Variants in FNDC8 observed in about 807,000 individuals in gnomAD.
FNDC8 encodes fibronectin type III domain-containing protein 8.
A neutral mutation model predicts 24.8 loss-of-function variants in FNDC8; 23 were observed. The observed-to-expected ratio is 0.93, with a 90% CI of 0.67 to 1.31. FNDC8 has a LOEUF of 1.31. Among genes scored for constraint, FNDC8 ranks in the 40% most tolerant of loss-of-function variants. The pLI is 0.00. For synonymous variants in FNDC8, 158 were observed against 165.3 expected (o/e 0.96, Z 0.34); for missense variants, 371 against 398.2 (o/e 0.93, Z 0.58).
intron 3 of FNDC8, 84 bp from the exon 4 acceptor site, chr17:35,130,198 A>T: frequency 6.5e-7 from 1 of 1,529,312 alleles, no homozygotes; most frequent in Non-Finnish European, 8.8e-7. Flanking sequence ...CAGCAGACAG[A>T]AAAAAAAGGG....
rs780571323 is a variant in FNDC8, at chr17:35,130,482, A to G, written c.*48A>G. 2 of 1,581,124 alleles carry G rather than the reference A, an allele frequency of 1.3e-6. No individual in the cohort carries two copies. The highest frequency in any genetic ancestry group is 2.3e-5 in the South Asian group (2 of 87,814). ...CTCACCTACTTTCAGCTTCAACCCC[A>G]GGCCCTCAGAAACCAGAGCCATGAG... On this transcript the variant is annotated 3_prime_UTR_variant, in exon 4 of 4. Coordinates refer to ENST00000158009, the MANE Select transcript of FNDC8 (RefSeq NM_017559.4).
intron 3 of FNDC8, 196 bp from the exon 4 acceptor site, chr17:35,130,086 G>A: frequency 7.0e-7 from 1 of 1,421,952 alleles, no homozygotes; most frequent in Non-Finnish European, 9.1e-7. Context: ...CCCTTTGGTT[G>A]GAAATATCCC....
Position 35,121,833 on chromosome 17 carries a change from C to T in FNDC8, c.140C>T (p.Thr47Ile), listed in dbSNP as rs751635133. The change falls in exon 1 of 4, where the codon ACC becomes ATC. Residue 47 changes from threonine to isoleucine, a missense_variant. Physicochemically the swap from Thr to Ile is moderately conservative, Grantham distance 89 (BLOSUM62 -1). Transcript: ENST00000158009. ...NPKSMNRTVT[T>I]KGLPLASKGN... ...AAGTCTATGAACCGGACCGTCACTA[C>T]CAAAGGACTCCCACTAGCCTCAAAG... 2 of 1,613,630 alleles carry T rather than the reference C, an allele frequency of 1.2e-6. No homozygotes were observed. Among genetic ancestry groups the T allele is most frequent in the African/African-American group, 2.7e-5 (2 of 74,766 alleles).
intron 1 of FNDC8, among the ~76,000 whole-genome samples, chr17:35,124,789 T>G (rs2091842720): frequency 6.6e-6 from 1 of 152,178 alleles, no homozygotes; most frequent in Non-Finnish European, 1.5e-5. Flanking sequence ...GGCTCACGCC[T>G]GTAATCCCAG....
At chr17:35,126,910 G>A (rs1224070299) in intron 1 of FNDC8, 132 bp from the exon 2 acceptor site, 4 of 1,108,974 alleles carry the variant, frequency 3.6e-6, no homozygotes, top group South Asian at 3.2e-5. Flanking sequence ...ATGCTATAGA[G>A]CAATGAGGCT....
At chr17:35,125,864 A>T (rs575071981) in intron 1 of FNDC8, among the ~76,000 whole-genome samples, 1 of 152,304 alleles carries the variant, frequency 6.6e-6, no homozygotes, top group South Asian at 2.1e-4. Context: ...TCATAATTTT[A>T]AAAAATTCAG....
chr17:35,128,434 C>T (rs1288267349), intron 2 of FNDC8, among the ~76,000 whole-genome samples: 1 of 152,228 alleles, frequency 6.6e-6, no homozygotes, highest in Admixed American at 6.5e-5. Context: ...AGACAGGAGG[C>T]AGCAGGCCCA....
At chr17:35,128,314 A>C (rs2091856851) in intron 2 of FNDC8, among the ~76,000 whole-genome samples, 1 of 152,270 alleles carries the variant, frequency 6.6e-6, no homozygotes, top group South Asian at 2.1e-4. Context: ...GGGCCTCCTG[A>C]GTCAGAAACT....
In FNDC8 at chr17:35,130,525, C is replaced by T. The variant is rs926054769; in HGVS notation, c.*91C>T. The T allele has an allele frequency of 1.5e-6, 2 of 1,371,412 alleles. No individual in the cohort carries two copies. Among genetic ancestry groups the T allele is most frequent in the African/African-American group, 2.9e-5 (2 of 69,566 alleles). The allele number at this position is 1,371,412 out of a possible 1,614,324, so 85.0% of individuals were successfully genotyped here. A position where few individuals can be genotyped will look rare whatever the true frequency, so the allele number is the denominator to read the frequency against. On this transcript the variant is annotated 3_prime_UTR_variant, in exon 4 of 4. Coordinates refer to ENST00000158009, the MANE Select transcript of FNDC8 (RefSeq NM_017559.4). The stretch of plus-strand genomic sequence containing the variant: ...GCCATGAGACCTACCATACCACCAG[C>T]ACCCTGCGGGCCCGGGGTCTGGCAG...
Position 35,130,542 on chromosome 17 carries a change from G to A in FNDC8, c.*108G>A. 16 of 1,223,644 alleles carry A rather than the reference G, an allele frequency of 1.3e-5. No individual in the cohort carries two copies. Among genetic ancestry groups the A allele is most frequent in the Non-Finnish European group, 1.8e-5 (16 of 887,342 alleles). The allele number at this position is 1,223,644 out of a possible 1,614,324, so 75.8% of individuals were successfully genotyped here. On this transcript the variant is annotated 3_prime_UTR_variant, in exon 4 of 4. Transcript: ENST00000158009. The stretch of plus-strand genomic sequence containing the variant: ...ACCACCAGCACCCTGCGGGCCCGGG[G>A]TCTGGCAGAGTGGTATGGGCACCCC...
chr17:35,130,661 G>A lies in FNDC8; in HGVS notation c.*227G>A. The A allele has an allele frequency of 1.9e-6, 1 of 537,260 alleles. No individual in the cohort carries two copies. The highest frequency in any genetic ancestry group is 3.4e-5 in the Admixed American group (1 of 29,344). 33.3% of individuals were successfully genotyped at this position (537,260 alleles called of 1,614,324 possible). A position where few individuals can be genotyped will look rare whatever the true frequency, so the allele number is the denominator to read the frequency against. On this transcript the variant is annotated 3_prime_UTR_variant, in exon 4 of 4. Transcript: ENST00000158009. ...CCAGGCTCAGCCACTGCCCACAGCT[G>A]CTAGACTCCCTCCTCCTCCAAATCT...
At chr17:35,123,750 C>A (rs1487724867) in intron 1 of FNDC8, among the ~76,000 whole-genome samples, 12 of 146,940 alleles carry the variant, frequency 8.2e-5, no homozygotes, top group African/African-American at 2.8e-4. Context: ...ATAAAAAAAA[C>A]AAAACAAAAC....
Position 35,129,553 on chromosome 17 carries a change from G to A in FNDC8, c.717G>A (p.Leu239=). The A allele has an allele frequency of 6.2e-7, 1 of 1,614,180 alleles. No individual in the cohort carries two copies. The highest frequency in any genetic ancestry group is 8.5e-7 in the Non-Finnish European group (1 of 1,180,046). ...GTCCATGGATCTTCAACAAGATTTT[G>A]GGCACTACTGTCAAGCTGATGGAGC... ...KNRPWIFNKI[L]GTTVKLMELK... is the part of the protein sequence containing the mutation. The change falls in exon 3 of 4, where the codon TTG becomes TTA. Residue 239 remains leucine, a synonymous_variant. Transcript: ENST00000158009.
At chr17:35,122,208 A>ATATATATATATATAT (rs1567738641) in intron 1 of FNDC8, among the ~76,000 whole-genome samples, 2 of 9,160 alleles carry the variant, frequency 2.2e-4, no homozygotes, top group African/African-American at 9.9e-4. Flanking sequence ...ATATATATAT[A>ATATATATATATATAT]AATTTTTTTT....
Position 35,127,413 on chromosome 17 carries a change from C to T in FNDC8, c.581C>T (p.Ala194Val). 1 of 1,543,664 alleles carries T rather than the reference C, an allele frequency of 6.5e-7. No homozygotes were observed. The highest frequency in any genetic ancestry group is 8.7e-7 in the Non-Finnish European group (1 of 1,144,770). The change falls in exon 2 of 4, where the codon GCT becomes GTT. Residue 194 changes from alanine to valine, a missense_variant. Ala to Val is a moderately conservative substitution (Grantham distance 64). Transcript: ENST00000158009. ...IFEHTVNNST[A>V]VISWTYALGK... ...GAGCACACCGTCAACAATTCCACAG[C>T]TGTGGTGCGTTTCCCTTGCTCATGC...
rs1218953625 is a variant in FNDC8, at chr17:35,129,628, T to C, written c.792T>C (p.Ala264=). The C allele has an allele frequency of 6.2e-7, 1 of 1,613,970 alleles. No homozygotes were observed. The highest frequency in any genetic ancestry group is 2.2e-5 in the East Asian group (1 of 44,866). The change falls in exon 3 of 4, where the codon GCT becomes GCC. Residue 264 remains alanine, a synonymous_variant. Coordinates refer to ENST00000158009, the MANE Select transcript of FNDC8 (RefSeq NM_017559.4). ...TCAGTGTCCGTGCAGCCAACACAGC[T>C]GGGGTGGGGAAGTGGTGCAAGCCCT... ...YCLSVRAANT[A]GVGKWCKPYK... is the part of the protein sequence containing the mutation.
At chr17:35,122,017 C>CT in intron 1 of FNDC8, 115 bp downstream of exon 1, 1 of 771,364 alleles carries the variant, frequency 1.3e-6, no homozygotes, top group East Asian at 2.8e-5. Context: ...CAGGATCTTG[C>CT]TTTGTCACCC....
Position 35,129,939 on chromosome 17 carries a change from C to A in FNDC8, c.822+281C>A, listed in dbSNP as rs2091866313. Reference sequence around the variant, plus strand: ...GGTTTTTAGACTCTGCAATTCAGTGCCCATGATTGTGAGTAGGCTGGGAAG... The same window carrying A: ...GGTTTTTAGACTCTGCAATTCAGTGACCATGATTGTGAGTAGGCTGGGAAG... On this transcript the variant is annotated intron_variant, in intron 3 of 3. Coordinates refer to ENST00000158009, the MANE Select transcript of FNDC8 (RefSeq NM_017559.4). 3.6e-6 allele frequency: 5 copies of A among 1,375,474 alleles called. No homozygotes were observed. The African/African-American group carries it at 4.4e-5, about 12-fold the overall frequency. The allele number at this position is 1,375,474 out of a possible 1,614,324, so 85.2% of individuals were successfully genotyped here.
chr17:35,130,562 C>T lies in FNDC8; in HGVS notation c.*128C>T. 6.1e-6 allele frequency: 6 copies of T among 988,270 alleles called. No individual in the cohort carries two copies. Among genetic ancestry groups the T allele is most frequent in the South Asian group, 1.7e-5 (1 of 59,742 alleles). 61.2% of individuals were successfully genotyped at this position (988,270 alleles called of 1,614,324 possible). On this transcript the variant is annotated 3_prime_UTR_variant, in exon 4 of 4. Coordinates refer to ENST00000158009, the MANE Select transcript of FNDC8 (RefSeq NM_017559.4). ...CCGGGGTCTGGCAGAGTGGTATGGG[C>T]ACCCCACCCCTGGGCTGGGGCCAAG...
Sources: gnomAD v4.1 joint callset for allele counts (sites outside exome capture counted in the v4.1 genomes callset) on GRCh38, gnomAD v4.1.1 for gene constraint, MANE v1.5 for transcripts, NCBI Gene and HGNC (gene_info 2026-07-23, HGNC 2026-07-21) for gene names.